SETBP1: variants seen among roughly 807,000 people sequenced by gnomAD.
SETBP1 encodes the protein SET binding protein 1, also known as SET-binding protein.
Under a neutral mutation model 101.0 loss-of-function variants are expected in SETBP1, and 9 were observed. The observed-to-expected ratio is 0.09, with a 90% CI of 0.05 to 0.16. SETBP1 has a LOEUF of 0.16. Among genes scored for constraint, SETBP1 ranks in the 10% least tolerant of loss-of-function variants. The pLI is 1.00. For synonymous variants in SETBP1, 818 were observed against 788.5 expected (o/e 1.04, Z -0.63); for missense variants, 1,858 against 2,033.8 (o/e 0.91, Z 1.66).
intron 2 of SETBP1, among the ~76,000 whole-genome samples, chr18:44,800,065 C>T (rs1250394477): frequency 6.6e-6 from 1 of 152,136 alleles, no homozygotes; most frequent in Non-Finnish European, 1.5e-5. Context: ...ATTTACTCCC[C>T]TTTGGCTACT....
intron 5 of SETBP1, among the ~76,000 whole-genome samples, chr18:45,056,993 T>G (rs1021631690): frequency 2.0e-5 from 3 of 152,216 alleles, no homozygotes; most frequent in Non-Finnish European, 4.4e-5. Flanking sequence ...AAGCTAGTCA[T>G]GTTTTCAAAG....
At chr18:44,983,362 C>T (rs1031703063) in intron 4 of SETBP1, among the ~76,000 whole-genome samples, 13 of 152,190 alleles carry the variant, frequency 8.5e-5, no homozygotes, top group South Asian at 4.1e-4. Flanking sequence ...CTAAGTGTTT[C>T]GTATGCATAA....
chr18:44,839,864 G>A (rs1284462742), intron 2 of SETBP1, among the ~76,000 whole-genome samples: 1 of 152,216 alleles, frequency 6.6e-6, no homozygotes, highest in African/African-American at 2.4e-5. Context: ...CCCAGTAATA[G>A]TACAGAGGGA....
intron 4 of SETBP1, among the ~76,000 whole-genome samples, chr18:45,017,030 G>A (rs908935409): frequency 6.6e-6 from 1 of 152,168 alleles, no homozygotes; most frequent in South Asian, 2.1e-4. Context: ...TTTTTGTCTC[G>A]TCCTTTGTTT....
chr18:44,745,672 G>A lies in SETBP1; in HGVS notation c.486+43840G>A, dbSNP rs889687536. On this transcript the variant is annotated intron_variant, in intron 2 of 5. Coordinates refer to ENST00000649279, the MANE Select transcript of SETBP1 (RefSeq NM_015559.3). ...CTTGTGCTCAACCTTGCCAGGCACT[G>A]GGGAGGCAGGGTTCAGACTCTGTCT... Among the ~76,000 whole-genome samples the A allele has an allele frequency of 2.0e-4, 31 of 152,190 alleles. 1 individual carries two copies. Among genetic ancestry groups the A allele is most frequent in the Admixed American group, 2.0e-3 (31 of 15,282 alleles).
intron 3 of SETBP1, 147 bp downstream of exon 3, chr18:44,869,430 C>T: frequency 1.3e-6 from 1 of 743,884 alleles, no homozygotes; most frequent in Non-Finnish European, 2.4e-6. Context: ...GACCTGGTGG[C>T]TTGCTCTCCT....
chr18:44,911,811 A>G (rs546024192), intron 3 of SETBP1, among the ~76,000 whole-genome samples: 1 of 152,312 alleles, frequency 6.6e-6, no homozygotes, highest in South Asian at 2.1e-4. Context: ...GCACTTGACT[A>G]CATGCCAGGG....
At chr18:44,720,980 C>T (rs2069579576) in intron 2 of SETBP1, among the ~76,000 whole-genome samples, 4 of 138,860 alleles carry the variant, frequency 2.9e-5, no homozygotes, top group South Asian at 2.5e-4. Flanking sequence ...CATCATACTG[C>T]GTCCAGCATT....
intron 4 of SETBP1, among the ~76,000 whole-genome samples, chr18:44,971,130 G>GT (rs2071846742): frequency 6.6e-6 from 1 of 151,866 alleles, no homozygotes; most frequent in Non-Finnish European, 1.5e-5. Context: ...GCGGTGTTTG[G>GT]TTTTTTGTCC....
At chr18:44,912,437 A>G (rs2144887610) in intron 3 of SETBP1, among the ~76,000 whole-genome samples, 1 of 152,248 alleles carries the variant, frequency 6.6e-6, no homozygotes, top group African/African-American at 2.4e-5. Flanking sequence ...TTATTTCTTG[A>G]TGCTCACTGA....
chr18:44,962,390 A>G (rs2071630832), intron 4 of SETBP1, among the ~76,000 whole-genome samples: 1 of 152,092 alleles, frequency 6.6e-6, no homozygotes, highest in South Asian at 2.1e-4. Context: ...AGGGGATTGA[A>G]CTGCCTCCCA....
At chr18:44,702,307 T>C (rs1599008193) in intron 2 of SETBP1, among the ~76,000 whole-genome samples, 1 of 152,330 alleles carries the variant, frequency 6.6e-6, no homozygotes. Context: ...AAAATCTTCA[T>C]ATAAGTGGAC....
intron 2 of SETBP1, among the ~76,000 whole-genome samples, chr18:44,857,285 T>C (rs2072998018): frequency 6.6e-6 from 1 of 152,224 alleles, no homozygotes; most frequent in African/African-American, 2.4e-5. Context: ...GTGTTATCTG[T>C]TCCTCAAGTG....
intron 4 of SETBP1, among the ~76,000 whole-genome samples, chr18:44,971,727 GT>G (rs2071865396): frequency 6.6e-6 from 1 of 152,146 alleles, no homozygotes; most frequent in Non-Finnish European, 1.5e-5. Flanking sequence ...GGGGTTGTTT[GT>G]TTTTTCCTTG....
intron 2 of SETBP1, among the ~76,000 whole-genome samples, chr18:44,798,719 C>T (rs2071534830): frequency 6.6e-6 from 1 of 152,158 alleles, no homozygotes; most frequent in Admixed American, 6.5e-5. Flanking sequence ...AGCTGGAAAC[C>T]TCACACTGAG....
At chr18:44,774,568 A>C (rs1198621675) in intron 2 of SETBP1, among the ~76,000 whole-genome samples, 1 of 152,246 alleles carries the variant, frequency 6.6e-6, no homozygotes, top group South Asian at 2.1e-4. Context: ...GGAGACTGGC[A>C]AGAGTTGTCA....
intron 2 of SETBP1, among the ~76,000 whole-genome samples, chr18:44,747,789 T>A (rs1252883341): frequency 6.6e-6 from 1 of 152,242 alleles, no homozygotes; most frequent in Non-Finnish European, 1.5e-5. Flanking sequence ...CAGTAGGATG[T>A]CTCAAAGCCT....
chr18:44,851,811 A>G (rs964952144), intron 2 of SETBP1, among the ~76,000 whole-genome samples: 1 of 152,180 alleles, frequency 6.6e-6, no homozygotes, highest in Non-Finnish European at 1.5e-5. Flanking sequence ...GCTAGCCTCC[A>G]GAGGTGAAAC....
intron 3 of SETBP1, among the ~76,000 whole-genome samples, chr18:44,880,347 G>T (rs2069502027): frequency 6.6e-6 from 1 of 152,176 alleles, no homozygotes; most frequent in Non-Finnish European, 1.5e-5. Flanking sequence ...TGGTGATAGG[G>T]CAAGTAGTTT....
Sources: gnomAD v4.1 joint callset for allele counts (sites outside exome capture counted in the v4.1 genomes callset) on GRCh38, gnomAD v4.1.1 for gene constraint, MANE v1.5 for transcripts, NCBI Gene and HGNC (gene_info 2026-07-23, HGNC 2026-07-21) for gene names.